TRIM14: variants seen among roughly 807,000 people sequenced by gnomAD.
TRIM14 encodes the protein tripartite motif containing 14.
A neutral mutation model predicts 44.5 loss-of-function variants in TRIM14; 28 were observed. The observed-to-expected ratio is 0.63, with a 90% CI of 0.47 to 0.86. The LOEUF (loss-of-function observed/expected upper bound fraction) is 0.86, where lower values mean the gene tolerates loss of function less well. TRIM14 is among the 40% of genes least tolerant of loss of function. The pLI, the probability that TRIM14 is intolerant of heterozygous loss-of-function variation, is 0.00. For missense variants in TRIM14, 607 were observed against 611.1 expected (o/e 0.99, Z 0.07); for synonymous variants, 299 against 269.2 (o/e 1.11, Z -1.08).
intron 4 of TRIM14, chr9:98,092,544 AG>A: frequency 2.7e-6 from 1 of 373,524 alleles, no homozygotes; most frequent in Non-Finnish European, 5.5e-6. Context: ...CACTCATCAC[AG>A]GGGCCTGTAG....
chr9:98,062,501 A>G, the TRIM14 span, among the ~76,000 whole-genome samples: 2 of 152,208 alleles, frequency 1.3e-5, no homozygotes, highest in Non-Finnish European at 2.9e-5. Flanking sequence ...AAAGTTTAGA[A>G]AATGAGAAAA....
At chr9:98,070,636 T>C (rs1829298741) in intron 6 of TRIM14, among the ~76,000 whole-genome samples, 3 of 151,898 alleles carry the variant, frequency 2.0e-5, no homozygotes, top group Admixed American at 2.0e-4. Context: ...GCCAGGCTGG[T>C]CTCAAACTCC....
At chr9:98,035,838 G>A in the TRIM14 span, among the ~76,000 whole-genome samples, 324 of 152,322 alleles carry the variant, frequency 2.1e-3, 2 homozygotes, top group South Asian at 9.3e-3. Flanking sequence ...AGTCAGTTAC[G>A]CCTCAGTCAT....
At chr9:98,054,826 C>G in the TRIM14 span, among the ~76,000 whole-genome samples, 115 of 152,292 alleles carry the variant, frequency 7.6e-4, 1 homozygote, top group African/African-American at 2.7e-3. Context: ...CAAGAGCAAT[C>G]CCGAATGAGC....
the TRIM14 span, among the ~76,000 whole-genome samples, chr9:98,060,618 C>T: frequency 1.3e-5 from 2 of 151,604 alleles, no homozygotes; most frequent in South Asian, 4.2e-4. Context: ...TGTAGTGAGC[C>T]GAGATCACAC....
chr9:98,051,694 C>T, the TRIM14 span, among the ~76,000 whole-genome samples: 3 of 152,222 alleles, frequency 2.0e-5, no homozygotes, highest in Admixed American at 1.3e-4. Flanking sequence ...TAACAAGCAG[C>T]CACAGCTGGA....
chr9:98,098,507 G>C (rs7857813), intron 3 of TRIM14, among the ~76,000 whole-genome samples: 92,940 of 151,752 alleles, frequency 0.61, 31,377 homozygotes, highest in African/African-American at 0.9. Context: ...GTCAGGAGAT[G>C]GAGACCATCC....
chr9:98,094,814 CTAAAGGACACTAGGGGAG>C, intron 4 of TRIM14, 35 bp downstream of exon 4: 1 of 1,581,136 alleles, frequency 6.3e-7, no homozygotes, highest in South Asian at 1.1e-5. Flanking sequence ...CGTCTCTGGG[CTAAAGGACACTAGGGGAG>C]TTAAGGACAC....
chr9:98,105,292 C>T (rs1826563920), intron 2 of TRIM14, among the ~76,000 whole-genome samples: 1 of 152,264 alleles, frequency 6.6e-6, no homozygotes. Flanking sequence ...GGCCCATTTC[C>T]TGCCCATCCC....
chr9:98,042,309 AAAG>A, the TRIM14 span, among the ~76,000 whole-genome samples: 6 of 151,800 alleles, frequency 4.0e-5, no homozygotes, highest in African/African-American at 1.4e-4. Flanking sequence ...AAAAAAAAAA[AAAG>A]TTTTCCTATA....
chr9:98,076,231 T>C (rs1829585641), intron 6 of TRIM14: 2 of 152,088 alleles, frequency 1.3e-5, no homozygotes, highest in African/African-American at 4.8e-5. Flanking sequence ...TTTGGCCGAG[T>C]AGAAGGGAAA....
At chr9:98,098,738 C>G (rs1287416778) in intron 3 of TRIM14, among the ~76,000 whole-genome samples, 1 of 151,996 alleles carries the variant, frequency 6.6e-6, no homozygotes, top group African/African-American at 2.4e-5. Flanking sequence ...GAACACCATC[C>G]TCAACAACAT....
At chr9:98,042,225 G>A in the TRIM14 span, among the ~76,000 whole-genome samples, 4 of 149,484 alleles carry the variant, frequency 2.7e-5, no homozygotes, top group East Asian at 6.0e-4. Context: ...CCCAGGAGGC[G>A]GAGCTTGCAG....
At chr9:98,051,579 A>G in the TRIM14 span, among the ~76,000 whole-genome samples, 5 of 152,160 alleles carry the variant, frequency 3.3e-5, no homozygotes, top group Non-Finnish European at 4.4e-5. Context: ...ACTCCAAACC[A>G]TAGAAAAAGG....
rs2118116990 is a variant in TRIM14, at chr9:98,084,837, T to C, written c.*2633A>G. The C allele has an allele frequency of 6.6e-6, 1 of 152,240 alleles. No homozygotes were observed. The highest frequency in any genetic ancestry group is 2.1e-4 in the South Asian group (1 of 4,814). 9.4% of individuals were successfully genotyped at this position (152,240 alleles called of 1,614,324 possible). A position where few individuals can be genotyped will look rare whatever the true frequency, so the allele number is the denominator to read the frequency against. On this transcript the variant is annotated 3_prime_UTR_variant, in exon 6 of 6. Transcript: ENST00000341469. ...GGCATGCACCACCACGCCCAGCTAA[T>C]TTTTGTATAGGACTATAGTTTTAAG... is the stretch of plus-strand genomic sequence containing the variant.
chr9:98,054,829 G>A, the TRIM14 span, among the ~76,000 whole-genome samples: 6 of 152,140 alleles, frequency 3.9e-5, no homozygotes, highest in African/African-American at 1.4e-4. Flanking sequence ...GAGCAATCCC[G>A]AATGAGCCCC....
At chr9:98,112,797 C>CAAAAAA (rs34150823) in intron 1 of TRIM14, among the ~76,000 whole-genome samples, 2 of 68,400 alleles carry the variant, frequency 2.9e-5, no homozygotes, top group Non-Finnish European at 5.4e-5. Context: ...GACTCAATCT[C>CAAAAAA]AAAAAAAAAA....
chr9:98,104,839 G>A (rs1826543777), intron 2 of TRIM14, among the ~76,000 whole-genome samples: 1 of 152,186 alleles, frequency 6.6e-6, no homozygotes, highest in African/African-American at 2.4e-5. Context: ...TGGAGAGTGA[G>A]GAGATGAAAG....
intron 6 of TRIM14, chr9:98,078,115 C>A: frequency 1.3e-6 from 2 of 1,585,690 alleles, no homozygotes; most frequent in South Asian, 2.3e-5. Flanking sequence ...AATGATGAGA[C>A]CAGCAGTTGG....
Sources: gnomAD v4.1 joint callset for allele counts (sites outside exome capture counted in the v4.1 genomes callset) on GRCh38, gnomAD v4.1.1 for gene constraint, MANE v1.5 for transcripts, NCBI Gene and HGNC (gene_info 2026-07-23, HGNC 2026-07-21) for gene names.